SPATA31E1: variants seen among roughly 807,000 people sequenced by gnomAD.
SPATA31E1 encodes spermatogenesis-associated protein 31E1.
SPATA31E1 carries 7 observed loss-of-function variants against 12.9 expected under a neutral mutation model. That is an observed-to-expected ratio of 0.54 (90% CI 0.31 to 1.02). The LOEUF (loss-of-function observed/expected upper bound fraction) is 1.02, where lower values mean the gene tolerates loss of function less well. Among genes scored for constraint, SPATA31E1 ranks in the 50% least tolerant of loss-of-function variants. SPATA31E1 has a pLI of 0.05. For synonymous variants in SPATA31E1, 771 were observed against 719.0 expected (o/e 1.07, Z -1.16); for missense variants, 1,961 against 1,799.8 (o/e 1.09, Z -1.62).
chr9:87,884,801 T>C, intron 3 of SPATA31E1, 112 bp from the exon 4 acceptor site: 14 of 1,463,222 alleles, frequency 9.6e-6, no homozygotes, highest in Non-Finnish European at 1.3e-5. Flanking sequence ...CAGAGCTTTA[T>C]GAAGTCAGCA....
rs149209501 is a variant in SPATA31E1, at chr9:87,882,916, G to A, written c.25G>A (p.Gly9Arg). 3 of 1,612,756 alleles carry A rather than the reference G, an allele frequency of 1.9e-6. No homozygotes were observed. The highest frequency in any genetic ancestry group is 2.7e-5 in the African/African-American group (2 of 74,886). The change falls in exon 1 of 4, where the codon GGG (glycine) becomes AGG (arginine). Residue 9 changes from glycine to arginine, a missense_variant. Physicochemically the swap from Gly to Arg is moderately radical, Grantham distance 125. Transcript: ENST00000325643. MGNLVIPL[G>R]KGRAGRVESG... Reference sequence around the variant, plus strand: ...GATGGGAAATCTCGTCATCCCTCTAGGGAAGGGCAGGGCAGGCAGGGTTGA... The same window carrying A: ...GATGGGAAATCTCGTCATCCCTCTAAGGAAGGGCAGGGCAGGCAGGGTTGA...
rs1317455500 is a variant in SPATA31E1 at position 87,884,663 on chromosome 9, C to T, written c.425+12C>T. The T allele has an allele frequency of 6.2e-7, 1 of 1,613,928 alleles. No homozygotes were observed. Among genetic ancestry groups the T allele is most frequent in the Non-Finnish European group, 8.5e-7 (1 of 1,179,930 alleles). ...TACCTTCTGGAAAGGTGAGGAGCTT[C>T]CCCCTTCTGTCCCTGTCCTCCTTCC... On this transcript the variant is annotated intron_variant, in intron 3 of 3. Coordinates refer to ENST00000325643, the MANE Select transcript of SPATA31E1 (RefSeq NM_178828.5).
rs7034636 is a variant in SPATA31E1 at position 87,884,506 on chromosome 9, T to G, written c.365-85T>G. 2.3e-3 allele frequency: 3,211 copies of G among 1,404,090 alleles called. 65 individuals are homozygous for G. In the African/African-American group the frequency reaches 0.039, roughly 17 times the overall value. The allele number at this position is 1,404,090 out of a possible 1,614,324, so 87.0% of individuals were successfully genotyped here. A position where few individuals can be genotyped will look rare whatever the true frequency, so the allele number is the denominator to read the frequency against. ...GGCTTCAGGGTCTAGTCCCCCATGG[T>G]GTCCCCTAAAAAGACATCCACTCAG... On this transcript the variant is annotated intron_variant, in intron 2 of 3. Transcript: ENST00000325643.
At position 87,886,904 on chromosome 9, in the gene SPATA31E1, G is replaced by A; in HGVS notation, c.2417G>A (p.Gly806Glu). The A allele has an allele frequency of 3.1e-6, 5 of 1,614,108 alleles. No homozygotes were observed. The highest frequency in any genetic ancestry group is 4.2e-6 in the Non-Finnish European group (5 of 1,180,012). ...VPKSDTHRKP[G>E]KLASWRGGKA... is the part of the protein sequence containing the mutation. The stretch of plus-strand genomic sequence containing the variant: ...AAGTCTGACACCCACAGGAAACCTG[G>A]GAAGCTGGCATCCTGGAGGGGTGGG... Residue 806 changes from glycine (G) to glutamate (E), a missense_variant, in exon 4 of 4, where the codon GGG becomes GAG. Physicochemically the swap from Gly to Glu is moderately conservative, Grantham distance 98 (BLOSUM62 -2). Coordinates refer to ENST00000325643, the MANE Select transcript of SPATA31E1 (RefSeq NM_178828.5).
rs368624917 is a variant in SPATA31E1, at chr9:87,888,427, G to A, written c.3940G>A (p.Asp1314Asn). ...AAGGCAGTTTATGGACTGCATGGCT[G>A]ACAAAGCCTGGACCATCAGCAGAGT... ...PPRQFMDCMA[D>N]KAWTISRVVG... The change falls in exon 4 of 4, where the codon GAC becomes AAC. Residue 1314 changes from aspartate to asparagine, a missense_variant. By Grantham distance (23) the Asp-to-Asn change is conservative. Transcript: ENST00000325643. 3.1e-6 allele frequency: 5 copies of A among 1,614,088 alleles called. No individual in the cohort carries two copies. The African/African-American group carries it at 5.3e-5, about 17-fold the overall frequency.
chr9:87,886,837 C>A lies in SPATA31E1; in HGVS notation c.2350C>A (p.Pro784Thr). Residue 784 changes from proline to threonine, a missense_variant, in exon 4 of 4, where the codon CCT becomes ACT. Pro to Thr is a conservative substitution (Grantham distance 38). Transcript: ENST00000325643. ...GATCAAAGAGGGCTGGATCCCCATG[C>A]CTGTGCGTCGCTCCTGGCTCATGGC... Reference protein sequence around the residue: ...GEIKEGWIPMPVRRSWLMAKC... With the variant: ...GEIKEGWIPMTVRRSWLMAKC... 1 of 1,614,182 alleles carries A rather than the reference C, an allele frequency of 6.2e-7. No individual in the cohort carries two copies. The highest frequency in any genetic ancestry group is 1.3e-5 in the African/African-American group (1 of 75,048).
chr9:87,883,158 C>G lies in SPATA31E1; in HGVS notation c.267C>G (p.Asp89Glu). Residue 89 changes from aspartate (D) to glutamate (E), a missense_variant, in exon 1 of 4, where the codon GAC (aspartate) becomes GAG (glutamate). Coordinates refer to ENST00000325643, the MANE Select transcript of SPATA31E1 (RefSeq NM_178828.5). ...LFLLLLYVHS[D>E]PPSPPPGRKR... ...TATTGCTCCTCTACGTCCACAGTGA[C>G]CCACCCTCACCCCCGCCCGGGAGGA... 6.3e-7 allele frequency: 1 copy of G among 1,588,784 alleles called. No homozygotes were observed. The highest frequency in any genetic ancestry group is 8.6e-7 in the Non-Finnish European group (1 of 1,164,700).
chr9:87,885,242 T>C lies in SPATA31E1; in HGVS notation c.755T>C (p.Leu252Pro), dbSNP rs146110612. The change falls in exon 4 of 4, where the codon CTG becomes CCG. Residue 252 changes from leucine to proline, a missense_variant. Leu to Pro is a moderately conservative substitution (Grantham distance 98, BLOSUM62 -3). Transcript: ENST00000325643. ...FPPSPQPHGP[L>P]ASSPPPPDSS... ...CCTTCACCACAGCCGCATGGTCCCC[T>C]GGCCTCCTCTCCACCTCCACCCGAC... 1,755 of 1,614,102 alleles carry C rather than the reference T, an allele frequency of 1.1e-3. 2 individuals are homozygous for C. Among genetic ancestry groups the C allele is most frequent in the Non-Finnish European group, 1.3e-3 (1,581 of 1,180,008 alleles).
chr9:87,884,081 G>A, intron 2 of SPATA31E1, 35 bp downstream of exon 2: 1 of 1,572,730 alleles, frequency 6.4e-7, no homozygotes, highest in South Asian at 1.2e-5. Flanking sequence ...CTCCCCAGAG[G>A]TAACTGAGCT....
In SPATA31E1 at chr9:87,888,805, C is replaced by T. The variant is rs1245825204; in HGVS notation, c.4318C>T (p.Gln1440Ter). The change falls in exon 4 of 4, where the codon CAG (glutamine) becomes TAG (stop). Residue 1440 changes from glutamine (Q) to a stop codon, truncating the protein, a stop_gained. Coordinates refer to ENST00000325643, the MANE Select transcript of SPATA31E1 (RefSeq NM_178828.5). LOFTEE classifies it low-confidence loss of function (END_TRUNC). Reference protein sequence around the residue: ...HPQLQELMSAQRCLAS With the variant: ...HPQLQELMSA ...ACAGCTGCAGGAACTGATGTCTGCA[C>T]AGAGGTGTCTTGCCTCCTGAACTAG... 2.5e-5 allele frequency: 40 copies of T among 1,607,680 alleles called. No individual in the cohort carries two copies. The highest frequency in any genetic ancestry group is 3.4e-5 in the Non-Finnish European group (40 of 1,177,362).
At chr9:87,884,374 C>T (rs559250591) in intron 2 of SPATA31E1, among the ~76,000 whole-genome samples, 2 of 152,350 alleles carry the variant, frequency 1.3e-5, no homozygotes, top group South Asian at 2.1e-4. Flanking sequence ...GTTGTGACAC[C>T]GATGAGGGGG....
Position 87,887,101 on chromosome 9 carries a change from CA to C in SPATA31E1, c.2616del (p.Gln872HisfsTer45). ...TGAGGCTCAGGCCCCGCCCTTCCCA[CA>C]ATCCACCTTTACCCCCTGGGCCTCC... The part of the protein sequence containing the change: ...SGEAQAPPFP[Q>X]STFTPWASWV... On this transcript the variant is annotated frameshift_variant, in exon 4 of 4. Transcript: ENST00000325643. LOFTEE classifies it low-confidence loss of function (END_TRUNC). The C allele has an allele frequency of 6.2e-7, 1 of 1,614,142 alleles. No individual in the cohort carries two copies. Among genetic ancestry groups the C allele is most frequent in the Non-Finnish European group, 8.5e-7 (1 of 1,180,026 alleles).
chr9:87,888,250 G>A lies in SPATA31E1; in HGVS notation c.3763G>A (p.Gly1255Arg). The A allele has an allele frequency of 6.2e-7, 1 of 1,614,084 alleles. No individual in the cohort carries two copies. Among genetic ancestry groups the A allele is most frequent in the Non-Finnish European group, 8.5e-7 (1 of 1,180,016 alleles). ...RKYNQLQLEK[G>R]QTPPESHFQR... is the part of the protein sequence containing the mutation. ...ATACAACCAGCTTCAGCTGGAGAAG[G>A]GACAGACACCACCAGAAAGCCACTT... The change falls in exon 4 of 4, where the codon GGA becomes AGA. Residue 1255 changes from glycine to arginine, a missense_variant. Physicochemically the swap from Gly to Arg is moderately radical, Grantham distance 125. Transcript: ENST00000325643.
In SPATA31E1 at chr9:87,887,339, C is replaced by T. The variant is rs146235852; in HGVS notation, c.2852C>T (p.Thr951Ile). 1 of 1,613,794 alleles carries T rather than the reference C, an allele frequency of 6.2e-7. No homozygotes were observed. Among genetic ancestry groups the T allele is most frequent in the Non-Finnish European group, 8.5e-7 (1 of 1,180,032 alleles). Residue 951 changes from threonine (T) to isoleucine (I), a missense_variant, in exon 4 of 4, where the codon ACT (threonine) becomes ATT (isoleucine). Thr to Ile is a moderately conservative substitution (Grantham distance 89). Coordinates refer to ENST00000325643, the MANE Select transcript of SPATA31E1 (RefSeq NM_178828.5). ...DTHGRSEAFP[T>I]GHKGRGCSQP... ...CATGGGCGATCAGAGGCCTTTCCGACTGGACACAAGGGCAGGGGGTGTTCT... is the reference window on the plus strand; with the variant it reads ...CATGGGCGATCAGAGGCCTTTCCGATTGGACACAAGGGCAGGGGGTGTTCT...
chr9:87,884,441 G>A, intron 2 of SPATA31E1, 150 bp from the exon 3 acceptor site: 1 of 780,278 alleles, frequency 1.3e-6, no homozygotes, highest in South Asian at 1.6e-5. Flanking sequence ...AAACCTTCCT[G>A]TCACCATTGG....
Position 87,884,729 on chromosome 9 carries a change from C to T in SPATA31E1, c.425+78C>T, listed in dbSNP as rs576196462. 5 of 1,582,422 alleles carry T rather than the reference C, an allele frequency of 3.2e-6. No individual in the cohort carries two copies. The South Asian group carries it at 5.6e-5, about 18-fold the overall frequency. ...TGCAACCCTACGGCCTGGTGGTGAT[C>T]TGGGAGGGGGAGGTCCCGGGAAGGG... On this transcript the variant is annotated intron_variant, in intron 3 of 3. Transcript: ENST00000325643.
In SPATA31E1 at chr9:87,886,365, G is replaced by A. The variant is rs61580688; in HGVS notation, c.1878G>A (p.Glu626=). The part of the protein sequence containing the change: ...PGVVTSPELP[E]HWWQGRNAIH... ...TTGTCACCAGCCCTGAGCTCCCAGA[G>A]CACTGGTGGCAAGGAAGGAATGCCA... The change falls in exon 4 of 4, where the codon GAG becomes GAA. Residue 626 remains glutamate, a synonymous_variant. Transcript: ENST00000325643. 0.017 allele frequency: 27,104 copies of A among 1,613,452 alleles called. 2,695 individuals carry two copies. In the East Asian group the frequency reaches 0.29, roughly 17 times the overall value.
chr9:87,883,017 G>A lies in SPATA31E1; in HGVS notation c.126G>A (p.Met42Ile), dbSNP rs753610265. The A allele has an allele frequency of 6.2e-7, 1 of 1,613,128 alleles. No individual in the cohort carries two copies. Among genetic ancestry groups the A allele is most frequent in the Admixed American group, 1.7e-5 (1 of 59,914 alleles). Residue 42 changes from methionine (M) to isoleucine (I), a missense_variant, in exon 1 of 4, where the codon ATG becomes ATA. Physicochemically the swap from Met to Ile is conservative, Grantham distance 10. Coordinates refer to ENST00000325643, the MANE Select transcript of SPATA31E1 (RefSeq NM_178828.5). Reference protein sequence around the residue: ...ECTGDDIALQMEKMLFPLKSP... With the variant: ...ECTGDDIALQIEKMLFPLKSP... ...CAGGAGACGACATTGCACTTCAGAT[G>A]GAGAAAATGCTCTTTCCTCTGAAGA...
At position 87,887,993 on chromosome 9, in the gene SPATA31E1, C is replaced by G; in HGVS notation, c.3506C>G (p.Ala1169Gly). Residue 1169 changes from alanine (A) to glycine (G), a missense_variant, in exon 4 of 4, where the codon GCC (alanine) becomes GGC (glycine). Physicochemically the swap from Ala to Gly is moderately conservative, Grantham distance 60 (BLOSUM62 0). Coordinates refer to ENST00000325643, the MANE Select transcript of SPATA31E1 (RefSeq NM_178828.5). Reference protein sequence around the residue: ...KNMTASQGPCALLWKGGDSPG... With the variant: ...KNMTASQGPCGLLWKGGDSPG... ...ATGACAGCTTCCCAGGGGCCATGTG[C>G]CCTCCTATGGAAGGGAGGGGACAGT... 6.2e-7 allele frequency: 1 copy of G among 1,613,630 alleles called. No individual in the cohort carries two copies. Among genetic ancestry groups the G allele is most frequent in the Non-Finnish European group, 8.5e-7 (1 of 1,179,982 alleles).
Sources: gnomAD v4.1 joint callset for allele counts (sites outside exome capture counted in the v4.1 genomes callset) on GRCh38, gnomAD v4.1.1 for gene constraint, MANE v1.5 for transcripts, NCBI Gene and HGNC (gene_info 2026-07-23, HGNC 2026-07-21) for gene names.